Variants in ST6GALNAC3 observed in about 807,000 individuals in gnomAD.
ST6GALNAC3 encodes the protein alpha-N-acetylgalactosaminide alpha-2,6-sialyltransferase 3.
In ST6GALNAC3, 25 loss-of-function variants were observed where a neutral mutation model predicts 32.7. The ratio of observed to expected loss-of-function variants is 0.76; its 90% CI spans 0.56 to 1.07. The LOEUF (loss-of-function observed/expected upper bound fraction) is 1.07. ST6GALNAC3 is among the 50% of genes least tolerant of loss of function. ST6GALNAC3 has a pLI of 0.00. For synonymous variants in ST6GALNAC3, 129 were observed against 133.1 expected (o/e 0.97, Z 0.21); for missense variants, 355 against 382.4 (o/e 0.93, Z 0.60).
intron 2 of ST6GALNAC3, among the ~76,000 whole-genome samples, chr1:76,322,864 G>A (rs974709501): frequency 2.4e-4 from 36 of 147,576 alleles, no homozygotes; most frequent in African/African-American, 8.0e-4. Flanking sequence ...TTATTGACAT[G>A]GAGTCTCGCT....
intron 1 of ST6GALNAC3, among the ~76,000 whole-genome samples, chr1:76,148,723 G>T (rs1371775655): frequency 6.6e-6 from 1 of 152,178 alleles, no homozygotes; most frequent in Non-Finnish European, 1.5e-5. Context: ...AGGGGCCTCA[G>T]TGGAGGCCAG....
At chr1:76,457,854 C>T (rs1657955444) in intron 3 of ST6GALNAC3, among the ~76,000 whole-genome samples, 1 of 149,530 alleles carries the variant, frequency 6.7e-6, no homozygotes, top group Non-Finnish European at 1.5e-5. Context: ...ACACCAAAAG[C>T]AATGGCAACA....
At chr1:76,127,352 T>C (rs1649319780) in intron 1 of ST6GALNAC3, among the ~76,000 whole-genome samples, 4 of 152,308 alleles carry the variant, frequency 2.6e-5, no homozygotes, top group Admixed American at 2.6e-4. Context: ...CTTAAAGATA[T>C]AAATTTCCTG....
chr1:76,249,895 A>G (rs1287192161), intron 1 of ST6GALNAC3, among the ~76,000 whole-genome samples: 2 of 152,136 alleles, frequency 1.3e-5, no homozygotes, highest in African/African-American at 2.4e-5. Flanking sequence ...AGCCATTTGT[A>G]TATAATCTTT....
chr1:76,249,183 A>G (rs1393092116), intron 1 of ST6GALNAC3, among the ~76,000 whole-genome samples: 1 of 152,162 alleles, frequency 6.6e-6, no homozygotes, highest in East Asian at 1.9e-4. Flanking sequence ...CGTTGTGCAA[A>G]CGTCTCCACT....
intron 3 of ST6GALNAC3, among the ~76,000 whole-genome samples, chr1:76,585,525 A>G (rs1646950039): frequency 3.3e-5 from 5 of 152,178 alleles, no homozygotes; most frequent in African/African-American, 1.2e-4. Flanking sequence ...AAGCGCAGAC[A>G]CCACCTCCAA....
intron 1 of ST6GALNAC3, among the ~76,000 whole-genome samples, chr1:76,137,554 AATCTT>A (rs1650029667): frequency 6.6e-6 from 1 of 152,176 alleles, no homozygotes; most frequent in African/African-American, 2.4e-5. Context: ...TCAAGTAGGG[AATCTT>A]CCTCCCACCT....
chr1:76,481,763 G>T (rs1465857088), intron 3 of ST6GALNAC3, among the ~76,000 whole-genome samples: 2 of 152,110 alleles, frequency 1.3e-5, no homozygotes, highest in Non-Finnish European at 2.9e-5. Context: ...TGACAGATGA[G>T]ATCTTATAAA....
Position 76,630,483 on chromosome 1 carries a change from G to A in ST6GALNAC3, c.*1677G>A, listed in dbSNP as rs897174205. ...TCATTAAATAGTAAAGGGTTGATTTGCTGCAAGAGTAGCTGAGAATTCAAA... is the reference window on the plus strand; with the variant it reads ...TCATTAAATAGTAAAGGGTTGATTTACTGCAAGAGTAGCTGAGAATTCAAA... On this transcript the variant is annotated 3_prime_UTR_variant, in exon 5 of 5. Transcript: ENST00000328299. 10 of 985,100 alleles carry A rather than the reference G, an allele frequency of 1.0e-5. No homozygotes were observed. Among genetic ancestry groups the A allele is most frequent in the Non-Finnish European group, 1.1e-5 (9 of 829,852 alleles). 61.0% of individuals were successfully genotyped at this position (985,100 alleles called of 1,614,324 possible). A position where few individuals can be genotyped will look rare whatever the true frequency, so the allele number is the denominator to read the frequency against.
intron 3 of ST6GALNAC3, among the ~76,000 whole-genome samples, chr1:76,494,448 T>TAC (rs1244774859): frequency 1.2e-5 from 1 of 85,456 alleles, no homozygotes; most frequent in Non-Finnish European, 2.5e-5. Context: ...TATATATATA[T>TAC]ATATATATAT....
chr1:76,160,613 G>C (rs942985301), intron 1 of ST6GALNAC3, among the ~76,000 whole-genome samples: 3 of 152,176 alleles, frequency 2.0e-5, no homozygotes, highest in Non-Finnish European at 2.9e-5. Context: ...AACTAGCCAG[G>C]CTGTGAACTG....
chr1:76,620,220 G>A (rs1648550849), intron 3 of ST6GALNAC3, among the ~76,000 whole-genome samples: 1 of 152,056 alleles, frequency 6.6e-6, no homozygotes, highest in African/African-American at 2.4e-5. Flanking sequence ...ATTGAAGAGA[G>A]CATTTCAGGA....
intron 1 of ST6GALNAC3, among the ~76,000 whole-genome samples, chr1:76,102,167 C>T (rs1054658022): frequency 6.6e-6 from 1 of 151,950 alleles, no homozygotes; most frequent in African/African-American, 2.4e-5. Context: ...TTCTGCCTTA[C>T]AGTCTATCTT....
chr1:76,312,791 G>A (rs1473558058), intron 1 of ST6GALNAC3, among the ~76,000 whole-genome samples: 6 of 152,096 alleles, frequency 3.9e-5, no homozygotes, highest in Non-Finnish European at 5.9e-5. Context: ...TGTGTTTCTA[G>A]CTTTTTCTCC....
chr1:76,565,949 C>T (rs908924851), intron 3 of ST6GALNAC3, among the ~76,000 whole-genome samples: 1 of 152,208 alleles, frequency 6.6e-6, no homozygotes, highest in African/African-American at 2.4e-5. Context: ...TTATTGTGAG[C>T]AGTGTTGTAT....
intron 3 of ST6GALNAC3, among the ~76,000 whole-genome samples, chr1:76,478,057 T>G (rs1379109533): frequency 1.3e-5 from 2 of 152,138 alleles, no homozygotes; most frequent in African/African-American, 4.8e-5. Context: ...TGTGAGTGCT[T>G]CTTGAATGTA....
At position 76,629,102 on chromosome 1, in the gene ST6GALNAC3, G is replaced by T. The variant is rs964716466; in HGVS notation, c.*296G>T. The T allele has an allele frequency of 1.1e-5, 12 of 1,123,722 alleles. No individual in the cohort carries two copies. The highest frequency in any genetic ancestry group is 1.3e-5 in the Non-Finnish European group (12 of 920,030). The allele number at this position is 1,123,722 out of a possible 1,614,324, so 69.6% of individuals were successfully genotyped here. A position where few individuals can be genotyped will look rare whatever the true frequency, so the allele number is the denominator to read the frequency against. ...ACATGACAACTGTGACCTAAGAAAT[G>T]GGAAGATTATCTTTCAAGATAGCTG... On this transcript the variant is annotated 3_prime_UTR_variant, in exon 5 of 5. Transcript: ENST00000328299.
intron 1 of ST6GALNAC3, among the ~76,000 whole-genome samples, chr1:76,220,568 T>A (rs571264981): frequency 1.3e-5 from 2 of 152,224 alleles, no homozygotes; most frequent in East Asian, 3.9e-4. Context: ...AATCAGGCCA[T>A]TATAATTTAG....
intron 3 of ST6GALNAC3, among the ~76,000 whole-genome samples, chr1:76,522,616 C>T (rs774991433): frequency 4.3e-4 from 66 of 152,060 alleles, no homozygotes; most frequent in Non-Finnish European, 9.0e-4. Flanking sequence ...TCTAGAAATC[C>T]CATCTCATTA....
Sources: gnomAD v4.1 joint callset for allele counts (sites outside exome capture counted in the v4.1 genomes callset) on GRCh38, gnomAD v4.1.1 for gene constraint, MANE v1.5 for transcripts, NCBI Gene and HGNC (gene_info 2026-07-23, HGNC 2026-07-21) for gene names.